Variants in SETD2 observed in about 807,000 individuals in gnomAD.
SETD2 encodes SET domain containing 2, histone lysine methyltransferase.
Under a neutral mutation model 242.1 loss-of-function variants are expected in SETD2, and 31 were observed. That is an observed-to-expected ratio of 0.13 (90% CI 0.10 to 0.17). The LOEUF (loss-of-function observed/expected upper bound fraction) is 0.17. Ranked by LOEUF, SETD2 falls within the 10% of genes least tolerant of loss-of-function variation. The pLI is 1.00. For missense variants in SETD2, 2,481 were observed against 3,046.3 expected (o/e 0.81, Z 4.37); for synonymous variants, 1,006 against 1,066.5 (o/e 0.94, Z 1.11).
intron 13 of SETD2, among the ~76,000 whole-genome samples, chr3:47,062,771 C>G (rs767842848): frequency 6.6e-6 from 1 of 152,106 alleles, no homozygotes; most frequent in South Asian, 2.1e-4. Context: ...AGCATAAGAA[C>G]CTCAATGAGA....
At chr3:47,071,331 C>A (rs1000029107) in intron 12 of SETD2, among the ~76,000 whole-genome samples, 2 of 152,198 alleles carry the variant, frequency 1.3e-5, no homozygotes, top group Non-Finnish European at 2.9e-5. Flanking sequence ...CTGTCTTATT[C>A]TTTATTGTAT....
intron 1 of SETD2, among the ~76,000 whole-genome samples, chr3:47,144,809 A>C (rs1026132032): frequency 6.6e-6 from 1 of 151,462 alleles, no homozygotes; most frequent in Non-Finnish European, 1.5e-5. Flanking sequence ...AAATACAAAA[A>C]TTAGATGGGC....
chr3:47,093,284 C>CTT (rs67167956), intron 9 of SETD2, among the ~76,000 whole-genome samples: 5,043 of 133,652 alleles, frequency 0.038, 381 homozygotes, highest in African/African-American at 0.14. Context: ...TTTATCCATC[C>CTT]TTTTTTTTTT....
chr3:47,071,778 T>C (rs2040831060), intron 12 of SETD2, among the ~76,000 whole-genome samples: 1 of 152,212 alleles, frequency 6.6e-6, no homozygotes, highest in African/African-American at 2.4e-5. Context: ...TTGAACAAGT[T>C]ACCTACTACT....
intron 9 of SETD2, among the ~76,000 whole-genome samples, chr3:47,092,408 C>T (rs900746332): frequency 2.0e-5 from 3 of 151,796 alleles, no homozygotes; most frequent in Non-Finnish European, 4.4e-5. Flanking sequence ...TATGGGTCAA[C>T]ATCATCCAAG....
chr3:47,030,610 C>A (rs1256373004), intron 18 of SETD2, among the ~76,000 whole-genome samples: 3 of 151,964 alleles, frequency 2.0e-5, no homozygotes, highest in African/African-American at 7.3e-5. Context: ...AAAACAAAAC[C>A]AAGGTATACC....
intron 6 of SETD2, chr3:47,105,626 A>T (rs541488371): frequency 4.6e-6 from 2 of 433,492 alleles, no homozygotes; most frequent in East Asian, 7.3e-5. Context: ...GTCGCTTAAT[A>T]TATTTTAGAA....
At chr3:47,079,450 T>G (rs1302364192) in intron 12 of SETD2, among the ~76,000 whole-genome samples, 1 of 152,152 alleles carries the variant, frequency 6.6e-6, no homozygotes, top group South Asian at 2.1e-4. Context: ...AAAAACTAAT[T>G]TCATGGGCAG....
chr3:47,049,247 T>A lies in SETD2; in HGVS notation c.6964-2626A>T, dbSNP rs75826681. ...ATGTGAGACAACACACTGGGCCAAA[T>A]ATTTTTTTTATATCCTTATTCTTAT... On this transcript the variant is annotated intron_variant, in intron 15 of 20. Coordinates refer to ENST00000409792, the MANE Select transcript of SETD2 (RefSeq NM_014159.7). 3.9e-3 allele frequency among the ~76,000 whole-genome samples: 578 copies of A among 146,970 alleles called. 3 individuals carry two copies. The highest frequency in any genetic ancestry group is 0.014 in the African/African-American group (550 of 39,584).
intron 8 of SETD2, among the ~76,000 whole-genome samples, chr3:47,101,044 T>C (rs1029051390): frequency 1.4e-5 from 2 of 140,558 alleles, no homozygotes; most frequent in Non-Finnish European, 3.1e-5. Flanking sequence ...AAGAACTAGG[T>C]AACCAATTAT....
rs182147801 is a variant in SETD2 at position 47,036,513 on chromosome 3, C to T, written c.7350+1153G>A. Among the ~76,000 whole-genome samples, 306 of 151,870 alleles carry T rather than the reference C, an allele frequency of 2.0e-3. 7 individuals are homozygous for T. The highest frequency in any genetic ancestry group is 7.7e-4 in the East Asian group (4 of 5,178). On this transcript the variant is annotated intron_variant, in intron 18 of 20. Coordinates refer to ENST00000409792, the MANE Select transcript of SETD2 (RefSeq NM_014159.7). Reference sequence around the variant, plus strand: ...GAGGTTGCAGTGAGCCAAGATCACACCAAAAAAAACAAAAAACACAACAAC... The same window carrying T: ...GAGGTTGCAGTGAGCCAAGATCACATCAAAAAAAACAAAAAACACAACAAC...
chr3:47,037,905 T>C (rs1338990286), intron 17 of SETD2, 128 bp from the exon 18 acceptor site: 1 of 660,776 alleles, frequency 1.5e-6, no homozygotes, highest in East Asian at 2.8e-5. Flanking sequence ...GCTCCATGAG[T>C]TAAAGACAAA....
At chr3:47,143,292 TCAAAAAA>T (rs1251929704) in intron 1 of SETD2, among the ~76,000 whole-genome samples, 1 of 151,906 alleles carries the variant, frequency 6.6e-6, no homozygotes, top group Non-Finnish European at 1.5e-5. Flanking sequence ...AGACCCCGTC[TCAAAAAA>T]CAAAACAAAA....
At chr3:47,052,518 TA>T (rs1222730648) in intron 15 of SETD2, among the ~76,000 whole-genome samples, 1 of 152,062 alleles carries the variant, frequency 6.6e-6, no homozygotes, top group Non-Finnish European at 1.5e-5. Flanking sequence ...TCAAATGACT[TA>T]AAATTACACA....
chr3:47,056,708 T>G, intron 15 of SETD2, 113 bp downstream of exon 15: 1 of 781,242 alleles, frequency 1.3e-6, no homozygotes, highest in Admixed American at 2.7e-5. Flanking sequence ...ACATATAAAG[T>G]TGATCAATAT....
At chr3:47,078,597 G>C (rs1037525645) in intron 12 of SETD2, among the ~76,000 whole-genome samples, 6 of 140,212 alleles carry the variant, frequency 4.3e-5, no homozygotes, top group African/African-American at 1.6e-4. Context: ...GAGGTCTGCT[G>C]ATTAGATCAT....
At chr3:47,103,111 A>T (rs1264511316) in intron 7 of SETD2, among the ~76,000 whole-genome samples, 1 of 152,198 alleles carries the variant, frequency 6.6e-6, no homozygotes, top group South Asian at 2.1e-4. Flanking sequence ...ATGGTTATAT[A>T]TGATGTTAAC....
intron 15 of SETD2, among the ~76,000 whole-genome samples, chr3:47,053,203 A>C (rs986467170): frequency 1.3e-5 from 2 of 152,110 alleles, no homozygotes; most frequent in African/African-American, 4.8e-5. Context: ...TGTGATTTCT[A>C]ATGGGAATTA....
At chr3:47,149,072 C>T (rs981875351) in intron 1 of SETD2, among the ~76,000 whole-genome samples, 1 of 152,166 alleles carries the variant, frequency 6.6e-6, no homozygotes, top group Non-Finnish European at 1.5e-5. Context: ...CACCTGCACC[C>T]TCCAAATTGA....
Sources: gnomAD v4.1 joint callset for allele counts (sites outside exome capture counted in the v4.1 genomes callset) on GRCh38, gnomAD v4.1.1 for gene constraint, MANE v1.5 for transcripts, NCBI Gene and HGNC (gene_info 2026-07-23, HGNC 2026-07-21) for gene names.